PLXDC2: variants seen among roughly 807,000 people sequenced by gnomAD.
PLXDC2 encodes plexin domain-containing protein 2.
Under a neutral mutation model 68.9 loss-of-function variants are expected in PLXDC2, and 40 were observed. The ratio of observed to expected loss-of-function variants is 0.58; its 90% CI spans 0.45 to 0.76. PLXDC2 has a LOEUF of 0.76. Ranked by LOEUF, PLXDC2 falls within the 30% of genes least tolerant of loss-of-function variation. The pLI is 0.00. For missense variants in PLXDC2, 644 were observed against 661.9 expected (o/e 0.97, Z 0.30); for synonymous variants, 243 against 234.2 (o/e 1.04, Z -0.34).
intron 13 of PLXDC2, among the ~76,000 whole-genome samples, chr10:20,249,571 C>T (rs545609914): frequency 3.9e-5 from 6 of 152,284 alleles, no homozygotes; most frequent in East Asian, 1.9e-4. Context: ...CTACCACTAA[C>T]GTTGACCCTC....
intron 2 of PLXDC2, among the ~76,000 whole-genome samples, chr10:20,014,197 TTTCCTTCC>T (rs912652172): frequency 6.5e-5 from 8 of 122,946 alleles, no homozygotes; most frequent in African/African-American, 1.1e-4. Context: ...CCCTCCCTTG[TTTCCTTCC>T]TTCCTTCCTT....
At chr10:19,899,361 G>C (rs889705763) in intron 1 of PLXDC2, among the ~76,000 whole-genome samples, 4 of 152,172 alleles carry the variant, frequency 2.6e-5, no homozygotes, top group Non-Finnish European at 5.9e-5. Context: ...AGTTTATGAA[G>C]ATCAAACAAC....
intron 1 of PLXDC2, among the ~76,000 whole-genome samples, chr10:19,845,042 A>T (rs886199351): frequency 2.0e-5 from 3 of 152,190 alleles, no homozygotes; most frequent in Non-Finnish European, 2.9e-5. Context: ...ACCCACTGGG[A>T]CATGACACAG....
intron 1 of PLXDC2, among the ~76,000 whole-genome samples, chr10:19,930,040 AT>A (rs59588282): frequency 1.1e-4 from 17 of 150,254 alleles, no homozygotes; most frequent in South Asian, 4.2e-4. Context: ...TCATTTATTC[AT>A]TTTTTTTTCC....
intron 9 of PLXDC2, among the ~76,000 whole-genome samples, chr10:20,209,772 C>T (rs995329421): frequency 8.5e-5 from 13 of 152,076 alleles, no homozygotes; most frequent in African/African-American, 3.1e-4. Flanking sequence ...CCTGAGGCGA[C>T]ATACATCCTC....
intron 1 of PLXDC2, among the ~76,000 whole-genome samples, chr10:19,825,286 G>A (rs1017444725): frequency 1.3e-5 from 2 of 152,144 alleles, no homozygotes; most frequent in African/African-American, 4.8e-5. Flanking sequence ...GTAGCTCATT[G>A]AGGCTTTGAG....
intron 10 of PLXDC2, among the ~76,000 whole-genome samples, chr10:20,214,854 A>G (rs1835115046): frequency 6.6e-6 from 1 of 152,156 alleles, no homozygotes; most frequent in Non-Finnish European, 1.5e-5. Flanking sequence ...GTAGAAACAC[A>G]AAGAGAGAAT....
chr10:19,878,833 G>A (rs1837679959), intron 1 of PLXDC2, among the ~76,000 whole-genome samples: 1 of 152,128 alleles, frequency 6.6e-6, no homozygotes, highest in Non-Finnish European at 1.5e-5. Flanking sequence ...AAAACGAACT[G>A]TGGCTTTTTC....
At chr10:20,057,029 T>TGCCTTTCAGCTGAGATTC (rs1405847393) in intron 3 of PLXDC2, among the ~76,000 whole-genome samples, 2 of 152,210 alleles carry the variant, frequency 1.3e-5, no homozygotes, top group African/African-American at 4.8e-5. Context: ...GTATTTACTC[T>TGCCTTTCAGCTGAGATTC]GCCTTTCAGC....
chr10:20,006,965 G>A (rs369400412), intron 2 of PLXDC2, among the ~76,000 whole-genome samples: 1 of 152,198 alleles, frequency 6.6e-6, no homozygotes, highest in Admixed American at 6.5e-5. Context: ...TAACCACTTA[G>A]CCAGGTGAGA....
chr10:20,051,840 G>A (rs1406460446), intron 3 of PLXDC2, among the ~76,000 whole-genome samples: 2 of 151,810 alleles, frequency 1.3e-5, no homozygotes, highest in Non-Finnish European at 2.9e-5. Flanking sequence ...TTCTCAAGAG[G>A]GCCAGATAAT....
At chr10:20,129,069 A>G (rs926835399) in intron 4 of PLXDC2, among the ~76,000 whole-genome samples, 1 of 152,216 alleles carries the variant, frequency 6.6e-6, no homozygotes, top group Non-Finnish European at 1.5e-5. Context: ...CGTTATTTCC[A>G]TAATGACTAT....
intron 1 of PLXDC2, among the ~76,000 whole-genome samples, chr10:19,901,680 A>G (rs191315531): frequency 3.3e-5 from 5 of 152,100 alleles, no homozygotes; most frequent in African/African-American, 1.2e-4. Flanking sequence ...TTTTTAGTTT[A>G]TTTAAGTCCC....
intron 1 of PLXDC2, among the ~76,000 whole-genome samples, chr10:19,852,237 C>G (rs1440040456): frequency 6.6e-6 from 1 of 151,722 alleles, no homozygotes; most frequent in African/African-American, 2.4e-5. Context: ...GACCCCATCT[C>G]TACAACAAAT....
intron 13 of PLXDC2, among the ~76,000 whole-genome samples, chr10:20,248,751 A>C (rs7919670): frequency 0.12 from 17,617 of 152,224 alleles, 1,142 homozygotes; most frequent in African/African-American, 0.16. Flanking sequence ...TGTGATATGC[A>C]GACGCGTGGA....
chr10:20,056,908 T>G (rs1314805784), intron 3 of PLXDC2, among the ~76,000 whole-genome samples: 1 of 152,168 alleles, frequency 6.6e-6, no homozygotes, highest in Non-Finnish European at 1.5e-5. Flanking sequence ...GGCAAACATT[T>G]TAGGTTTCTG....
At chr10:19,874,087 A>G (rs1270582552) in intron 1 of PLXDC2, among the ~76,000 whole-genome samples, 1 of 152,230 alleles carries the variant, frequency 6.6e-6, no homozygotes, top group East Asian at 1.9e-4. Flanking sequence ...GCTTAACCCA[A>G]TACACAGTTT....
intron 1 of PLXDC2, among the ~76,000 whole-genome samples, chr10:19,979,707 G>A (rs1834518795): frequency 6.6e-6 from 1 of 152,132 alleles, no homozygotes; most frequent in African/African-American, 2.4e-5. Context: ...TGAGTTGTTT[G>A]GGGTTTTGTT....
rs1836370021 is a variant in PLXDC2, at chr10:19,817,258, C to T, written c.112+67C>T. ...TGAAGACCTCTCTGGCACTCTCGTG[C>T]TCCCTACCCTCTCCCCCCAACATCA... is the stretch of plus-strand genomic sequence containing the variant. On this transcript the variant is annotated intron_variant, in intron 1 of 13. Transcript: ENST00000377252. 4.0e-6 allele frequency: 5 copies of T among 1,248,164 alleles called. No homozygotes were observed. The South Asian group carries it at 6.5e-5, about 16-fold the overall frequency. 77.3% of individuals were successfully genotyped at this position (1,248,164 alleles called of 1,614,324 possible). A position where few individuals can be genotyped will look rare whatever the true frequency, so the allele number is the denominator to read the frequency against.
Sources: allele counts gnomAD v4.1 joint callset (sites outside exome capture counted in the v4.1 genomes callset), GRCh38; gene constraint gnomAD v4.1.1; transcripts MANE v1.5; gene names NCBI Gene and HGNC (gene_info 2026-07-23, HGNC 2026-07-21).